The following TTC23 variants were observed in gnomAD, a reference collection of about 807,000 sequenced individuals.
TTC23 encodes tetratricopeptide repeat protein 23.
A neutral mutation model predicts 55.1 loss-of-function variants in TTC23; 58 were observed. The observed-to-expected ratio is 1.05, with a 90% CI of 0.85 to 1.31. TTC23 has a LOEUF of 1.31. TTC23 is among the 50% of genes most tolerant of loss of function. The probability of loss-of-function intolerance (pLI) is 0.00; values close to 1 mark genes in which losing one functional copy is unlikely to be tolerated. For missense variants in TTC23, 516 were observed against 534.4 expected, an observed-to-expected ratio of 0.97 and a Z score of 0.34; for synonymous variants, 203 against 199.9, an observed-to-expected ratio of 1.02 and a Z score of -0.13.
intron 7 of TTC23, 36 bp downstream of exon 7, chr15:99,218,862 T>C: frequency 6.2e-7 from 1 of 1,603,386 alleles, no homozygotes; most frequent in South Asian, 1.1e-5. Flanking sequence ...ACGTGAATAG[T>C]ATTTCTATTT....
At chr15:99,171,653 C>T (rs1475116554) in intron 10 of TTC23, among the ~76,000 whole-genome samples, 1 of 149,338 alleles carries the variant, frequency 6.7e-6, no homozygotes, top group Non-Finnish European at 1.5e-5. Context: ...ACCTCTGCCT[C>T]CAGGGTTCAA....
intron 12 of TTC23, among the ~76,000 whole-genome samples, chr15:99,141,783 G>T (rs2068258192): frequency 6.6e-6 from 1 of 152,158 alleles, no homozygotes; most frequent in African/African-American, 2.4e-5. Flanking sequence ...TGAGAATGTG[G>T]TTGTCCTTTG....
intron 10 of TTC23, among the ~76,000 whole-genome samples, chr15:99,173,694 A>C (rs2151927691): frequency 6.6e-6 from 1 of 152,286 alleles, no homozygotes; most frequent in South Asian, 2.1e-4. Flanking sequence ...TCCCTTCCAC[A>C]TGGCTGCCAG....
At chr15:99,147,057 G>GGC (rs1555493870) in intron 12 of TTC23, among the ~76,000 whole-genome samples, 1 of 151,000 alleles carries the variant, frequency 6.6e-6, no homozygotes, top group Non-Finnish European at 1.5e-5. Flanking sequence ...TGAGATTACA[G>GGC]GCACACGCCA....
At chr15:99,150,933 C>G (rs2069638357) in intron 12 of TTC23, among the ~76,000 whole-genome samples, 1 of 152,198 alleles carries the variant, frequency 6.6e-6, no homozygotes, top group Admixed American at 6.5e-5. Flanking sequence ...TCTGAGCGTC[C>G]TTCTTCCAAC....
At chr15:99,183,543 C>T (rs1163029927) in intron 9 of TTC23, among the ~76,000 whole-genome samples, 1 of 134,358 alleles carries the variant, frequency 7.4e-6, no homozygotes. Flanking sequence ...GGTTTCACTG[C>T]GTTAGCCAGA....
At chr15:99,148,316 G>A (rs62023643) in intron 12 of TTC23, among the ~76,000 whole-genome samples, 11,146 of 120,184 alleles carry the variant, frequency 0.093, 466 homozygotes, top group Middle Eastern at 0.13. Context: ...AGCCGAGATC[G>A]CGACACTGCA....
chr15:99,203,691 CTTT>C (rs140833020), intron 8 of TTC23, among the ~76,000 whole-genome samples: 6 of 151,312 alleles, frequency 4.0e-5, no homozygotes, highest in African/African-American at 1.5e-4. Flanking sequence ...TTCAATTTTT[CTTT>C]TTTTTCTTTC....
chr15:99,139,844 T>A (rs1266501499), intron 12 of TTC23: 8 of 969,122 alleles, frequency 8.3e-6, no homozygotes, highest in Non-Finnish European at 1.1e-5. Flanking sequence ...CACAGCAATG[T>A]CTTAGTTATT....
At chr15:99,152,958 C>T (rs1377645895) in intron 12 of TTC23, among the ~76,000 whole-genome samples, 1 of 152,030 alleles carries the variant, frequency 6.6e-6, no homozygotes, top group Admixed American at 6.6e-5. Flanking sequence ...CCACCATGCC[C>T]AGCTAATTAT....
intron 12 of TTC23, among the ~76,000 whole-genome samples, chr15:99,147,490 G>C (rs1438717457): frequency 2.0e-5 from 3 of 152,170 alleles, no homozygotes; most frequent in South Asian, 2.1e-4. Context: ...CTCCCAAAGT[G>C]CTGGGATTAC....
intron 9 of TTC23, among the ~76,000 whole-genome samples, chr15:99,196,130 C>T (rs975207796): frequency 1.2e-4 from 18 of 144,820 alleles, no homozygotes; most frequent in African/African-American, 4.1e-4. Flanking sequence ...CCAGCCTGGG[C>T]GACACAGCGA....
chr15:99,245,671 G>A (rs2080181148), intron 1 of TTC23, among the ~76,000 whole-genome samples, 161 bp from the exon 2 acceptor site: 1 of 151,890 alleles, frequency 6.6e-6, no homozygotes, highest in South Asian at 2.1e-4. Context: ...AACAGTGCTG[G>A]TACAACTGGA....
At chr15:99,179,781 G>A (rs1297101464) in intron 9 of TTC23, among the ~76,000 whole-genome samples, 1 of 152,156 alleles carries the variant, frequency 6.6e-6, no homozygotes, top group Non-Finnish European at 1.5e-5. Flanking sequence ...CTCCCAGCTA[G>A]CTGCCCCAGA....
At chr15:99,188,769 T>C (rs531464637) in intron 9 of TTC23, among the ~76,000 whole-genome samples, 8 of 152,130 alleles carry the variant, frequency 5.3e-5, no homozygotes, top group Non-Finnish European at 8.8e-5. Context: ...ACGTCATTTC[T>C]CATTCATTAG....
chr15:99,139,244 A>C (rs1555488746), intron 13 of TTC23, 73 bp downstream of exon 13: 6 of 1,566,702 alleles, frequency 3.8e-6, no homozygotes, highest in East Asian at 2.3e-5. Context: ...AGAACCTTCT[A>C]GAACCAGCTT....
chr15:99,152,971 G>A (rs569008253), intron 12 of TTC23, among the ~76,000 whole-genome samples: 135 of 152,220 alleles, frequency 8.9e-4, no homozygotes, highest in African/African-American at 3.0e-3. Flanking sequence ...CTAATTATTT[G>A]TATTTTTAGT....
intron 9 of TTC23, among the ~76,000 whole-genome samples, chr15:99,175,387 T>C (rs1257353052): frequency 6.6e-6 from 1 of 152,224 alleles, no homozygotes; most frequent in Non-Finnish European, 1.5e-5. Flanking sequence ...GGCCAGGGCC[T>C]GTCACTAAGC....
intron 12 of TTC23, among the ~76,000 whole-genome samples, chr15:99,151,561 G>C (rs940730650): frequency 6.6e-6 from 1 of 152,244 alleles, no homozygotes; most frequent in African/African-American, 2.4e-5. Flanking sequence ...CTGAGGCTCA[G>C]CTGCATCCTG....
Sources: gnomAD v4.1 joint callset for allele counts (sites outside exome capture counted in the v4.1 genomes callset) on GRCh38, gnomAD v4.1.1 for gene constraint, MANE v1.5 for transcripts, NCBI Gene and HGNC (gene_info 2026-07-23, HGNC 2026-07-21) for gene names.